Variants in ZNF600 observed in about 807,000 individuals in gnomAD.
The protein encoded by ZNF600 is zinc finger protein KR-ZNF1.
ZNF600 carries 4 observed loss-of-function variants against 7.3 expected under a neutral mutation model. The ratio of observed to expected loss-of-function variants is 0.55; its 90% CI spans 0.27 to 1.25. ZNF600 has a LOEUF of 1.25. ZNF600 is among the 50% of genes most tolerant of loss of function. ZNF600 has a pLI of 0.12. For synonymous variants in ZNF600, 290 were observed against 308.9 expected, an observed-to-expected ratio of 0.94 and a Z score of 0.64; for missense variants, 911 against 922.1, an observed-to-expected ratio of 0.99 and a Z score of 0.16.
rs140027896 is a variant in ZNF600, at chr19:52,767,704, T to G, written c.259A>C (p.Thr87Pro). ...CTTTGATATCTTTGCAATGTCCCTGTGTGGATCACTTCTGTATTGCCTTGC... is the reference window on the plus strand; with the variant it reads ...CTTTGATATCTTTGCAATGTCCCTGGGTGGATCACTTCTGTATTGCCTTGC... Residue 87 changes from threonine to proline, a missense_variant, in exon 4 of 4, where the codon ACA (threonine) becomes CCA (proline). Coordinates refer to ENST00000648973, the Ensembl canonical transcript of ZNF600. The G allele has an allele frequency of 4.3e-6, 7 of 1,612,998 alleles. No homozygotes were observed. The African/African-American group carries it at 9.3e-5, about 22-fold the overall frequency.
At chr19:52,825,082 C>A in the ZNF600 span, among the ~76,000 whole-genome samples, 1 of 152,162 alleles carries the variant, frequency 6.6e-6, no homozygotes, top group South Asian at 2.1e-4. Flanking sequence ...GGCGCTTTTA[C>A]ACCTGGGGGT....
chr19:52,803,223 C>A, the ZNF600 span, among the ~76,000 whole-genome samples: 2 of 152,096 alleles, frequency 1.3e-5, no homozygotes, highest in Admixed American at 1.3e-4. Context: ...AATGCAGGCA[C>A]ATGCCACTGT....
At chr19:52,809,819 C>T in the ZNF600 span, 13 of 524,858 alleles carry the variant, frequency 2.5e-5, no homozygotes, top group South Asian at 2.3e-5. Context: ...GTCTGAGCGG[C>T]GAAGGCGGCG....
At chr19:52,765,599 C>G in exon 4 of ZNF600, 2 of 1,613,750 alleles carry the variant, frequency 1.2e-6, no homozygotes, top group Non-Finnish European at 1.7e-6. Flanking sequence ...AGTCAAGTTT[C>G]CCTACACCAT....
At chr19:52,801,736 A>G in the ZNF600 span, 2 of 1,578,672 alleles carry the variant, frequency 1.3e-6, no homozygotes, top group Middle Eastern at 1.7e-4. Context: ...GTTTCCAATG[A>G]AGTACAGATG....
exon 4 of ZNF600, chr19:52,767,528 C>T (rs771482163): frequency 6.2e-7 from 1 of 1,613,964 alleles, no homozygotes; most frequent in African/African-American, 1.3e-5. Context: ...TTCCAGCATG[C>T]CTGTGATCAT....
At chr19:52,765,212 G>C (rs1401574742) in exon 4 of ZNF600, 16 of 521,982 alleles carry the variant, frequency 3.1e-5, no homozygotes, top group Non-Finnish European at 5.4e-5. Context: ...GTTCTGCAAG[G>C]AGTGACCTCG....
chr19:52,824,241 C>T, the ZNF600 span, among the ~76,000 whole-genome samples: 6 of 152,052 alleles, frequency 3.9e-5, no homozygotes, highest in Admixed American at 1.3e-4. Flanking sequence ...GAAATGCCTC[C>T]TCTTTAAGTT....
At chr19:52,783,057 C>A (rs2062736075) in intron 1 of ZNF600, among the ~76,000 whole-genome samples, 1 of 134,968 alleles carries the variant, frequency 7.4e-6, no homozygotes, top group Non-Finnish European at 1.7e-5. Context: ...CACTCCCCAC[C>A]CCATCCATGA....
At chr19:52,788,990 T>G (rs1485179408), upstream of ZNF600, among the ~76,000 whole-genome samples, 1 of 152,204 alleles carries the variant, frequency 6.6e-6, no homozygotes, top group East Asian at 1.9e-4. Context: ...CTTGGGGACT[T>G]GTTCCCACCA....
exon 4 of ZNF600, chr19:52,767,697 G>A: frequency 6.2e-7 from 1 of 1,613,334 alleles, no homozygotes; most frequent in Non-Finnish European, 8.5e-7. Context: ...TCTTTGCAAT[G>A]TCCCTGTGTG....
chr19:52,772,924 T>C (rs1177345684), intron 3 of ZNF600, among the ~76,000 whole-genome samples: 2 of 152,238 alleles, frequency 1.3e-5, no homozygotes, highest in South Asian at 4.1e-4. Flanking sequence ...AAGCCATCCC[T>C]CATGGATCAT....
exon 4 of ZNF600, chr19:52,766,626 T>C (rs1246966481): frequency 2.5e-6 from 4 of 1,613,996 alleles, no homozygotes; most frequent in Non-Finnish European, 3.4e-6. Context: ...ATGAAGTCTA[T>C]GATGGCATAC....
the ZNF600 span, chr19:52,799,236 T>C: frequency 2.6e-4 from 106 of 402,970 alleles, 1 homozygote; most frequent in South Asian, 2.4e-3. Flanking sequence ...GTATGAATTT[T>C]GACCAAAGGT....
At chr19:52,822,532 G>C in the ZNF600 span, among the ~76,000 whole-genome samples, 1 of 152,176 alleles carries the variant, frequency 6.6e-6, no homozygotes. Context: ...TTGGGAAATA[G>C]AGGCAAACAG....
intron 1 of ZNF600, among the ~76,000 whole-genome samples, 154 bp from the exon 4 acceptor site, chr19:52,779,061 G>A (rs1176302097): frequency 2.0e-5 from 3 of 152,152 alleles, no homozygotes; most frequent in East Asian, 1.9e-4. Flanking sequence ...AGTCCCACAG[G>A]ACGACCTATA....
At chr19:52,813,823 G>T in the ZNF600 span, among the ~76,000 whole-genome samples, 2 of 146,426 alleles carry the variant, frequency 1.4e-5, no homozygotes, top group African/African-American at 5.3e-5. Flanking sequence ...GTTTAGAGGT[G>T]TTTCTGTTTT....
chr19:52,783,615 C>T (rs7259951), intron 1 of ZNF600, among the ~76,000 whole-genome samples: 5,326 of 152,272 alleles, frequency 0.035, 296 homozygotes, highest in African/African-American at 0.12. Context: ...CCCGCCTCGG[C>T]CTCCCAAAGT....
chr19:52,813,001 A>C, the ZNF600 span, among the ~76,000 whole-genome samples: 1 of 151,632 alleles, frequency 6.6e-6, no homozygotes, highest in South Asian at 2.1e-4. Flanking sequence ...AAGTTAAACT[A>C]AACTATCACC....
Sources: gnomAD v4.1 joint callset for allele counts (sites outside exome capture counted in the v4.1 genomes callset) on GRCh38, gnomAD v4.1.1 for gene constraint, MANE v1.5 for transcripts, NCBI Gene and HGNC (gene_info 2026-07-23, HGNC 2026-07-21) for gene names.